ASPSCR1: variants seen among roughly 807,000 people sequenced by gnomAD.
ASPSCR1 encodes the protein ASPSCR1 tether for SLC2A4, UBX domain containing.
A neutral mutation model predicts 68.9 loss-of-function variants in ASPSCR1; 55 were observed. That is an observed-to-expected ratio of 0.80 (90% CI 0.64 to 1.00). The LOEUF is 1.00. Among genes scored for constraint, ASPSCR1 ranks in the 50% least tolerant of loss-of-function variants. The pLI is 0.00. For missense variants in ASPSCR1, 765 were observed against 762.2 expected (o/e 1.00, Z -0.04); for synonymous variants, 352 against 332.6 (o/e 1.06, Z -0.63).
chr17:81,989,187 G>A (rs965503715), intron 4 of ASPSCR1, among the ~76,000 whole-genome samples: 4 of 152,186 alleles, frequency 2.6e-5, no homozygotes, highest in Non-Finnish European at 5.9e-5. Flanking sequence ...CAGCCTGGGC[G>A]ACAGAGCAAG....
At chr17:82,017,225 G>A (rs550618051) in intron 15 of ASPSCR1, 84 bp from the exon 16 acceptor site, 9 of 1,596,490 alleles carry the variant, frequency 5.6e-6, no homozygotes, top group Non-Finnish European at 6.0e-6. Flanking sequence ...CGGCAGGGCC[G>A]AGTGCTTCAG....
In ASPSCR1 at chr17:82,017,174, C is replaced by T; in HGVS notation, c.1648+61C>T. 3.2e-6 allele frequency: 5 copies of T among 1,569,026 alleles called. No homozygotes were observed. The Admixed American group carries it at 8.6e-5, about 27-fold the overall frequency. On this transcript the variant is annotated intron_variant, in intron 15 of 15. Coordinates refer to ENST00000306739, the MANE Select transcript of ASPSCR1 (RefSeq NM_024083.4). ...CGGGTGGAGGGCGGGGGTCCGGGTG[C>T]TGTGGCAGGGTCAGTGGGCTGGGGG...
intron 11 of ASPSCR1, among the ~76,000 whole-genome samples, chr17:82,011,873 G>A (rs1036263122): frequency 2.0e-5 from 3 of 152,044 alleles, no homozygotes; most frequent in African/African-American, 7.2e-5. Flanking sequence ...ACCCCAGCCT[G>A]GTCCCCACCC....
At chr17:81,979,323 C>T (rs2041720431) in intron 2 of ASPSCR1, 84 bp downstream of exon 2, 2 of 1,485,934 alleles carry the variant, frequency 1.3e-6, no homozygotes, top group Admixed American at 3.4e-5. Context: ...CTTGGAAAAG[C>T]CCCCAGGTGG....
intron 3 of ASPSCR1, among the ~76,000 whole-genome samples, chr17:81,985,230 G>A (rs952294902): frequency 4.0e-5 from 6 of 148,628 alleles, no homozygotes; most frequent in East Asian, 2.0e-4. Context: ...GCACACCCCC[G>A]CACACACCCA....
chr17:82,007,198 G>A (rs1210061479), intron 7 of ASPSCR1: 6 of 152,304 alleles, frequency 3.9e-5, no homozygotes, highest in Non-Finnish European at 8.8e-5. Flanking sequence ...CTGCCCAGGT[G>A]AAGGGCGGGT....
rs1020482263 is a variant in ASPSCR1 at position 81,999,881 on chromosome 17, G to A, written c.933+3035G>A. Among the ~76,000 whole-genome samples, 1 of 152,228 alleles carries A rather than the reference G, an allele frequency of 6.6e-6. No individual in the cohort carries two copies. Among genetic ancestry groups the A allele is most frequent in the Non-Finnish European group, 1.5e-5 (1 of 68,032 alleles). ...GGATGTGGGGGCTCCCATCTAGCCC[G>A]GCGTCAGGGTCCAGCCCCTCTGTTT... On this transcript the variant is annotated intron_variant, in intron 7 of 15. Transcript: ENST00000306739. This position sits in a 1 kb window ranked among gnomAD's most constrained non-coding sequence, Gnocchi z 4.4.
At position 81,987,009 on chromosome 17, in the gene ASPSCR1, T is replaced by C. The variant is rs144867148; in HGVS notation, c.374+1402T>C. Reference sequence around the variant, plus strand: ...TCCCAAAACGGAACTCAGACAACAGTGACGGAGCCTAAGAGCAAAGCCAAA... The same window carrying C: ...TCCCAAAACGGAACTCAGACAACAGCGACGGAGCCTAAGAGCAAAGCCAAA... On this transcript the variant is annotated intron_variant, in intron 4 of 15. Transcript: ENST00000306739. The surrounding 1 kb of genome is among the most constrained non-coding windows in gnomAD (Gnocchi z 5.6). Among the ~76,000 whole-genome samples the C allele has an allele frequency of 9.2e-5, 14 of 151,654 alleles. No homozygotes were observed. The highest frequency in any genetic ancestry group is 2.0e-4 in the Admixed American group (3 of 15,236).
chr17:81,982,032 G>A (rs564349934), intron 2 of ASPSCR1, among the ~76,000 whole-genome samples: 3 of 152,030 alleles, frequency 2.0e-5, no homozygotes, highest in East Asian at 1.9e-4. Flanking sequence ...GCAATGGCGC[G>A]ATCTTGGCAC....
intron 3 of ASPSCR1, among the ~76,000 whole-genome samples, chr17:81,984,206 C>G (rs1224348995): frequency 2.0e-5 from 3 of 152,154 alleles, no homozygotes; most frequent in Admixed American, 2.0e-4. Flanking sequence ...GTCAGTTGTG[C>G]CTTCCCTGGC....
intron 3 of ASPSCR1, among the ~76,000 whole-genome samples, chr17:81,984,674 G>C (rs1165671937): frequency 6.6e-6 from 1 of 151,900 alleles, no homozygotes; most frequent in Non-Finnish European, 1.5e-5. Flanking sequence ...CTGTCCTGAG[G>C]CTGCAGTCAG....
At position 81,994,786 on chromosome 17, in the gene ASPSCR1, T is replaced by C. The variant is rs746259476; in HGVS notation, c.375-35T>C. ...CTCCGTGGCACTGGTTGAGCTGCCC[T>C]GGGGTACCTGATGGTTTCTTTCCTC... On this transcript the variant is annotated intron_variant, in intron 4 of 15. Transcript: ENST00000306739. 1.9e-6 allele frequency: 3 copies of C among 1,608,512 alleles called. No homozygotes were observed. The South Asian group carries it at 3.3e-5, about 18-fold the overall frequency.
rs574077059 is a variant in ASPSCR1, at chr17:81,985,935, C to A, written c.374+328C>A. On this transcript the variant is annotated intron_variant, in intron 4 of 15. Transcript: ENST00000306739. ...GACGTTCGGTGCTGGGGGCAGGGCT[C>A]CCCATGCTTGATTCCCCTGGATGGG... is the stretch of plus-strand genomic sequence containing the variant. 4.2e-4 allele frequency among the ~76,000 whole-genome samples: 64 copies of A among 152,190 alleles called. 1 individual carries two copies. Among genetic ancestry groups the A allele is most frequent in the African/African-American group, 1.5e-3 (64 of 41,530 alleles).
rs764882862 is a variant in ASPSCR1 at position 81,986,688 on chromosome 17, G to T, written c.374+1081G>T. ...CTGTGCCCCGGCTGGTGTGTGGATG[G>T]GGTGAGTTCATGTCTTGAGGACCGA... On this transcript the variant is annotated intron_variant, in intron 4 of 15. Coordinates refer to ENST00000306739, the MANE Select transcript of ASPSCR1 (RefSeq NM_024083.4). This position sits in a 1 kb window ranked among gnomAD's most constrained non-coding sequence, Gnocchi z 5.2. Among the ~76,000 whole-genome samples, 3 of 152,224 alleles carry T rather than the reference G, an allele frequency of 2.0e-5. No homozygotes were observed. The highest frequency in any genetic ancestry group is 4.4e-5 in the Non-Finnish European group (3 of 68,036).
rs539949931 is a variant in ASPSCR1 at position 81,990,660 on chromosome 17, G to A, written c.375-4161G>A. Among the ~76,000 whole-genome samples the A allele has an allele frequency of 1.4e-4, 22 of 152,294 alleles. No homozygotes were observed. The highest frequency in any genetic ancestry group is 5.1e-4 in the African/African-American group (21 of 41,560). Reference sequence around the variant, plus strand: ...CTTTATTACGGGGAGTGTGCCTTCCGTGATAGGAGACGCATGAGATGGAAA... The same window carrying A: ...CTTTATTACGGGGAGTGTGCCTTCCATGATAGGAGACGCATGAGATGGAAA... On this transcript the variant is annotated intron_variant, in intron 4 of 15. Transcript: ENST00000306739. This position sits in a 1 kb window ranked among gnomAD's most constrained non-coding sequence, Gnocchi z 4.1.
Position 82,009,505 on chromosome 17 carries a change from C to T in ASPSCR1, c.1108C>T (p.Pro370Ser). Residue 370 changes from proline to serine, a missense_variant, in exon 9 of 16, where the codon CCC becomes TCC. Pro to Ser is a moderately conservative substitution (Grantham distance 74, BLOSUM62 -1). Transcript: ENST00000306739. ...CCACAGGAAGCGCCTGGAAGAAGCCCCCTTGGTGACCAAGGCCTTCAGGGA... is the reference window on the plus strand; with the variant it reads ...CCACAGGAAGCGCCTGGAAGAAGCCTCCTTGGTGACCAAGGCCTTCAGGGA... ...KSERKRLEEA[P>S]LVTKAFREAQ... 1 of 1,583,536 alleles carries T rather than the reference C, an allele frequency of 6.3e-7. No individual in the cohort carries two copies.
chr17:81,990,330 T>A lies in ASPSCR1; in HGVS notation c.375-4491T>A, dbSNP rs2042119301. On this transcript the variant is annotated intron_variant, in intron 4 of 15. Coordinates refer to ENST00000306739, the MANE Select transcript of ASPSCR1 (RefSeq NM_024083.4). This position sits in a 1 kb window ranked among gnomAD's most constrained non-coding sequence, Gnocchi z 4.1. ...CTCCACTCTGCTTCTCAGGCTCTGC[T>A]GCAGGGAGGGCGTCAGGAGACAGAG... is the stretch of plus-strand genomic sequence containing the variant. Among the ~76,000 whole-genome samples, 1 of 152,202 alleles carries A rather than the reference T, an allele frequency of 6.6e-6. No homozygotes were observed. Among genetic ancestry groups the A allele is most frequent in the Admixed American group, 6.5e-5 (1 of 15,278 alleles).
chr17:81,995,908 C>A, intron 5 of ASPSCR1, 84 bp from the exon 6 acceptor site: 1 of 1,378,696 alleles, frequency 7.3e-7, no homozygotes, highest in Non-Finnish European at 1.0e-6. Flanking sequence ...GCCTGTGGTC[C>A]TGGTGGTGCC....
At chr17:82,016,700 C>T in intron 13 of ASPSCR1, 100 bp from the exon 14 acceptor site, 1 of 1,470,634 alleles carries the variant, frequency 6.8e-7, no homozygotes, top group East Asian at 2.5e-5. Flanking sequence ...CACCTGCTGG[C>T]CACCCCCCTC....
Sources: allele counts gnomAD v4.1 joint callset (sites outside exome capture counted in the v4.1 genomes callset), GRCh38; gene constraint gnomAD v4.1.1; non-coding constraint Gnocchi (gnomAD v3.1); transcripts MANE v1.5; gene names NCBI Gene and HGNC (gene_info 2026-07-23, HGNC 2026-07-21).